The following PITPNA variants were observed in gnomAD, a reference collection of about 807,000 sequenced individuals.
PITPNA encodes phosphatidylinositol transfer protein alpha, also known as phosphatidylinositol transfer protein alpha isoform.
In PITPNA, 13 loss-of-function variants were observed where a neutral mutation model predicts 50.3. That is an observed-to-expected ratio of 0.26 (90% CI 0.17 to 0.41). The LOEUF (loss-of-function observed/expected upper bound fraction) is 0.41. PITPNA is among the 10% of genes least tolerant of loss of function. The pLI, the probability that PITPNA is intolerant of heterozygous loss-of-function variation, is 1.00. For synonymous variants in PITPNA, 120 were observed against 119.6 expected (o/e 1.00, Z -0.02); for missense variants, 207 against 333.4 (o/e 0.62, Z 2.95).
rs373111262 is a variant in PITPNA at position 1,539,799 on chromosome 17, C to T, written c.373-847G>A. ...ACGCCCAGGCTGGAGTGCAATGGCG[C>T]GATCTCGGCTCACTGCAAACTCTGC... On this transcript the variant is annotated intron_variant, in intron 6 of 11. Coordinates refer to ENST00000313486, the MANE Select transcript of PITPNA (RefSeq NM_006224.4). Among the ~76,000 whole-genome samples, 14 of 152,362 alleles carry T rather than the reference C, an allele frequency of 9.2e-5. No individual in the cohort carries two copies. In the South Asian group the frequency reaches 1.9e-3, roughly 20 times the overall value.
chr17:1,532,378 T>C (rs1056831798), intron 10 of PITPNA, among the ~76,000 whole-genome samples: 3 of 152,046 alleles, frequency 2.0e-5, no homozygotes, highest in Non-Finnish European at 2.9e-5. Context: ...TGAGCCACCG[T>C]GCCTGGCCGA....
At chr17:1,545,224 C>T (rs1364567936) in intron 4 of PITPNA, among the ~76,000 whole-genome samples, 3 of 152,188 alleles carry the variant, frequency 2.0e-5, no homozygotes, top group African/African-American at 7.2e-5. Flanking sequence ...ACAGCAAGAG[C>T]TGATCATTAC....
intron 4 of PITPNA, among the ~76,000 whole-genome samples, chr17:1,547,198 A>G (rs1471458172): frequency 2.0e-5 from 3 of 147,806 alleles, no homozygotes; most frequent in Non-Finnish European, 4.5e-5. Flanking sequence ...CATCTCTCCA[A>G]AAAAAAAAAA....
At chr17:1,526,208 G>A (rs1043386758) in intron 10 of PITPNA, among the ~76,000 whole-genome samples, 1 of 152,226 alleles carries the variant, frequency 6.6e-6, no homozygotes, top group Admixed American at 6.5e-5. Flanking sequence ...GTACACACAG[G>A]TGGGGTCTAA....
At chr17:1,532,228 C>T (rs2075587522) in intron 10 of PITPNA, among the ~76,000 whole-genome samples, 1 of 152,152 alleles carries the variant, frequency 6.6e-6, no homozygotes, top group Non-Finnish European at 1.5e-5. Flanking sequence ...GCTGGGATTA[C>T]AGGTGTCCGC....
At chr17:1,529,388 G>T (rs906989148) in intron 10 of PITPNA, among the ~76,000 whole-genome samples, 2 of 151,664 alleles carry the variant, frequency 1.3e-5, no homozygotes, top group Admixed American at 1.3e-4. Context: ...GGCGTGTAGT[G>T]GCGGGCGCCT....
chr17:1,533,495 CT>C lies in PITPNA; in HGVS notation c.768+603del, dbSNP rs1293663851. Among the ~76,000 whole-genome samples, 3 of 152,182 alleles carry C rather than the reference CT, an allele frequency of 2.0e-5. No individual in the cohort carries two copies. In the East Asian group the frequency reaches 5.8e-4, roughly 29 times the overall value. On this transcript the variant is annotated intron_variant, in intron 10 of 11. Coordinates refer to ENST00000313486, the MANE Select transcript of PITPNA (RefSeq NM_006224.4). ...ACAGTGAGTGCTTGAATGTTACTAA[CT>C]GACAATCTCCTCTGAGTGGGCCTCT...
At position 1,539,120 on chromosome 17, in the gene PITPNA, G is replaced by A. The variant is rs1271470422; in HGVS notation, c.373-168C>T. Among the ~76,000 whole-genome samples, 3 of 152,318 alleles carry A rather than the reference G, an allele frequency of 2.0e-5. No individual in the cohort carries two copies. The East Asian group carries it at 5.8e-4, about 29-fold the overall frequency. ...AAATTATCCAAAGAAATGGGAGAAT[G>A]GATTTTTTTTTTTAAGAGATGGGGT... On this transcript the variant is annotated intron_variant, in intron 6 of 11. Coordinates refer to ENST00000313486, the MANE Select transcript of PITPNA (RefSeq NM_006224.4).
intron 2 of PITPNA, among the ~76,000 whole-genome samples, chr17:1,556,414 T>C (rs912058229): frequency 2.2e-4 from 34 of 152,304 alleles, no homozygotes; most frequent in South Asian, 6.2e-4. Context: ...CCGCCAACTG[T>C]GGATGCTCTC....
intron 2 of PITPNA, 47 bp downstream of exon 2, chr17:1,558,482 C>G: frequency 7.6e-7 from 1 of 1,318,030 alleles, no homozygotes; most frequent in Non-Finnish European, 1.1e-6. Flanking sequence ...AGCCAATGGT[C>G]ACAAACAGTT....
At chr17:1,541,770 C>G in intron 5 of PITPNA, 130 bp from the exon 6 acceptor site, 1 of 727,170 alleles carries the variant, frequency 1.4e-6, no homozygotes, top group Non-Finnish European at 2.5e-6. Context: ...CTTGTAATAA[C>G]AGTTAACTTG....
At chr17:1,535,574 G>A in intron 7 of PITPNA, 56 bp from the exon 8 acceptor site, 2 of 1,039,116 alleles carry the variant, frequency 1.9e-6, no homozygotes, top group Non-Finnish European at 3.0e-6. Context: ...AGTGAGAGAT[G>A]GGGAGAACAG....
intron 7 of PITPNA, among the ~76,000 whole-genome samples, chr17:1,537,767 A>C (rs933465504): frequency 6.6e-6 from 1 of 152,094 alleles, no homozygotes. Flanking sequence ...GATGGTTTTT[A>C]TATCTTTTCG....
intron 1 of PITPNA, among the ~76,000 whole-genome samples, chr17:1,561,030 G>A (rs1353886748): frequency 6.6e-6 from 1 of 152,206 alleles, no homozygotes; most frequent in Non-Finnish European, 1.5e-5. Flanking sequence ...CTGCCTGGCT[G>A]CCTCACAAGT....
intron 9 of PITPNA, among the ~76,000 whole-genome samples, 156 bp from the exon 10 acceptor site, chr17:1,534,377 G>A (rs2075602611): frequency 6.6e-6 from 1 of 152,266 alleles, no homozygotes; most frequent in Middle Eastern, 3.4e-3. Context: ...CCAGCCATGG[G>A]TCAATGACCT....
chr17:1,525,504 C>CTT (rs11329480), intron 10 of PITPNA, among the ~76,000 whole-genome samples: 1,312 of 101,528 alleles, frequency 0.013, 11 homozygotes, highest in African/African-American at 0.018. Context: ...CACTGGGAAA[C>CTT]TTTTTTTTTT....
intron 10 of PITPNA, among the ~76,000 whole-genome samples, chr17:1,523,476 G>C (rs2075527052): frequency 1.3e-5 from 2 of 151,202 alleles, no homozygotes; most frequent in South Asian, 4.2e-4. Context: ...CAAGAAGCTG[G>C]GACTACAGGC....
At chr17:1,558,490 G>T in intron 2 of PITPNA, 39 bp downstream of exon 2, 4 of 1,424,366 alleles carry the variant, frequency 2.8e-6, no homozygotes, top group Non-Finnish European at 4.0e-6. Context: ...GTCACAAACA[G>T]TTACACACAA....
chr17:1,556,459 C>T (rs2075735412), intron 2 of PITPNA, among the ~76,000 whole-genome samples: 1 of 152,162 alleles, frequency 6.6e-6, no homozygotes, highest in Non-Finnish European at 1.5e-5. Context: ...CAGTCTTGGC[C>T]CCACCATAAG....
Sources: gnomAD v4.1 joint callset for allele counts (sites outside exome capture counted in the v4.1 genomes callset) on GRCh38, gnomAD v4.1.1 for gene constraint, MANE v1.5 for transcripts, NCBI Gene and HGNC (gene_info 2026-07-23, HGNC 2026-07-21) for gene names.